POLA1: variants seen among roughly 807,000 people sequenced by gnomAD.
The protein encoded by POLA1 is DNA polymerase alpha catalytic subunit.
POLA1 carries 15 observed loss-of-function variants against 124.0 expected under a neutral mutation model. That is an observed-to-expected ratio of 0.12 (90% CI 0.08 to 0.19). POLA1 has a LOEUF of 0.19. POLA1 is among the 10% of genes least tolerant of loss of function. The probability of loss-of-function intolerance (pLI) is 1.00; values close to 1 mark genes in which losing one functional copy is unlikely to be tolerated. For missense variants in POLA1, 886 were observed against 1,103.4 expected (o/e 0.80, Z 2.79); for synonymous variants, 408 against 389.4 (o/e 1.05, Z -0.56).
intron 36 of POLA1, among the ~76,000 whole-genome samples, chrX:24,951,563 C>T (rs778412260): frequency 9.1e-6 from 1 of 110,216 alleles, no homozygotes; most frequent in Non-Finnish European, 1.9e-5. Context: ...CATCTTCCCG[C>T]CCCACTTCAC....
intron 36 of POLA1, among the ~76,000 whole-genome samples, chrX:24,983,088 G>A (rs767091515): frequency 8.9e-6 from 1 of 111,943 alleles, no homozygotes; most frequent in East Asian, 2.8e-4. Context: ...TTATCTTTAT[G>A]TTGTCTCTAA....
intron 34 of POLA1, among the ~76,000 whole-genome samples, chrX:24,852,376 T>A (rs963370914): frequency 1.1e-4 from 12 of 110,207 alleles, no homozygotes; most frequent in Admixed American, 9.6e-5. Context: ...AATGGCATGA[T>A]CTCGGCTCAC....
rs770891214 is a variant in POLA1 at position 24,857,262 on chromosome X, T to A, written c.4047+13585T>A. Among the ~76,000 whole-genome samples the A allele has an allele frequency of 1.8e-4, 20 of 112,134 alleles. No homozygotes were observed. The South Asian group carries it at 5.9e-3, about 33-fold the overall frequency. On this transcript the variant is annotated intron_variant, in intron 34 of 36. Coordinates refer to ENST00000379068, the MANE Select transcript of POLA1 (RefSeq NM_001330360.2). ...TTGTGTGGGTCTATTTCTGGACTCT[T>A]TGATCTCTTCCATTGATCTCTCTGT...
chrX:24,812,591 G>A, intron 28 of POLA1, 67 bp from the exon 29 acceptor site: 1 of 652,289 alleles, frequency 1.5e-6, no homozygotes, highest in Non-Finnish European at 2.4e-6. Context: ...TTGGGAATTT[G>A]TAACATGTTC....
At chrX:24,935,156 A>G (rs941119453) in intron 36 of POLA1, among the ~76,000 whole-genome samples, 7 of 111,897 alleles carry the variant, frequency 6.3e-5, no homozygotes, top group Non-Finnish European at 1.3e-4. Context: ...TTAATTCTTT[A>G]AAGGCCTTAT....
chrX:24,916,002 T>C (rs780316298), intron 35 of POLA1, among the ~76,000 whole-genome samples: 8 of 112,343 alleles, frequency 7.1e-5, no homozygotes, highest in South Asian at 3.7e-4. Context: ...ACTTCTGTTA[T>C]AGTCATAGAA....
chrX:24,868,886 A>G (rs11573445), intron 34 of POLA1, among the ~76,000 whole-genome samples: 4,126 of 111,877 alleles, frequency 0.037, 210 homozygotes, highest in African/African-American at 0.13. Flanking sequence ...GCCCACAAAT[A>G]CTGCCCTGTA....
chrX:24,790,822 G>C (rs1475027125), intron 26 of POLA1, among the ~76,000 whole-genome samples: 1 of 106,889 alleles, frequency 9.4e-6, no homozygotes, highest in African/African-American at 3.4e-5. Context: ...TTAGATATGA[G>C]AAATTAGTGT....
intron 26 of POLA1, among the ~76,000 whole-genome samples, chrX:24,764,245 C>G (rs1291617199): frequency 8.9e-6 from 1 of 112,521 alleles, no homozygotes; most frequent in Non-Finnish European, 1.9e-5. Context: ...TTCTACCGTT[C>G]TGTCTGCCCT....
At chrX:24,969,737 A>G (rs936990455) in intron 36 of POLA1, among the ~76,000 whole-genome samples, 1 of 110,440 alleles carries the variant, frequency 9.1e-6, no homozygotes, top group East Asian at 2.9e-4. Flanking sequence ...GTGGTTTGCT[A>G]CACAGATCAT....
chrX:24,904,962 T>G (rs1372592544), intron 35 of POLA1, among the ~76,000 whole-genome samples: 1 of 103,882 alleles, frequency 9.6e-6, no homozygotes, highest in African/African-American at 3.7e-5. Context: ...AGGCAGAGGT[T>G]GCAGTGAGCC....
At chrX:24,969,060 T>C (rs1306804822) in intron 36 of POLA1, among the ~76,000 whole-genome samples, 1 of 109,811 alleles carries the variant, frequency 9.1e-6, no homozygotes, top group Admixed American at 9.7e-5. Context: ...ATACAAAAAT[T>C]AGCTGGGTGT....
chrX:24,987,796 G>A (rs936101196), intron 36 of POLA1, among the ~76,000 whole-genome samples: 1 of 111,105 alleles, frequency 9.0e-6, no homozygotes, highest in African/African-American at 3.3e-5. Flanking sequence ...AGGGTGTTAC[G>A]AGAATCTTGC....
At chrX:24,888,218 C>G (rs763183905) in intron 35 of POLA1, 96 bp downstream of exon 35, 1 of 517,303 alleles carries the variant, frequency 1.9e-6, no homozygotes, top group African/African-American at 2.3e-5. Context: ...ATGAAGATGC[C>G]CTACTACCAT....
chrX:24,830,324 G>A (rs1420538022), intron 32 of POLA1, among the ~76,000 whole-genome samples: 4 of 111,605 alleles, frequency 3.6e-5, no homozygotes, highest in Non-Finnish European at 5.6e-5. Context: ...TCTGTCTGGT[G>A]GCATGTTGCA....
intron 26 of POLA1, among the ~76,000 whole-genome samples, chrX:24,791,435 G>A (rs1362853964): frequency 8.9e-6 from 1 of 112,707 alleles, no homozygotes; most frequent in Admixed American, 9.3e-5. Context: ...CGTCCAGGCT[G>A]GAGTGCAATG....
intron 36 of POLA1, among the ~76,000 whole-genome samples, chrX:24,966,697 A>T (rs1332863765): frequency 1.8e-5 from 2 of 111,750 alleles, no homozygotes; most frequent in African/African-American, 6.5e-5. Flanking sequence ...CTTCAGTGGT[A>T]GTGTATATAA....
intron 35 of POLA1, among the ~76,000 whole-genome samples, chrX:24,915,515 A>G (rs997991146): frequency 7.2e-5 from 8 of 111,722 alleles, no homozygotes; most frequent in African/African-American, 2.3e-4. Flanking sequence ...TATTTGTTTT[A>G]TATATGAAGT....
Position 24,972,228 on chromosome X carries a change from C to T in POLA1, c.4262-23577C>T, listed in dbSNP as rs780707005. Among the ~76,000 whole-genome samples the T allele has an allele frequency of 2.7e-5, 3 of 112,051 alleles. No individual in the cohort carries two copies. In the East Asian group the frequency reaches 8.3e-4, roughly 31 times the overall value. ...TCAGGTGATCCACCCTCCTTGGCCT[C>T]CCAAAGTGCTGGGATTACAGGCGTG... On this transcript the variant is annotated intron_variant, in intron 36 of 36. Transcript: ENST00000379068.
Sources: allele counts gnomAD v4.1 joint callset (sites outside exome capture counted in the v4.1 genomes callset), GRCh38; gene constraint gnomAD v4.1.1; transcripts MANE v1.5; gene names NCBI Gene and HGNC (gene_info 2026-07-23, HGNC 2026-07-21).